TMEM87B: variants seen among roughly 807,000 people sequenced by gnomAD.
TMEM87B encodes transmembrane protein 87B.
TMEM87B carries 83 observed loss-of-function variants against 80.3 expected under a neutral mutation model. The ratio of observed to expected loss-of-function variants is 1.03; its 90% CI spans 0.87 to 1.24. TMEM87B has a LOEUF of 1.24. Ranked by LOEUF, TMEM87B falls within the 50% of genes most tolerant of loss-of-function variation. The pLI, the probability that TMEM87B is intolerant of heterozygous loss-of-function variation, is 0.00. For synonymous variants in TMEM87B, 219 were observed against 230.5 expected (o/e 0.95, Z 0.45); for missense variants, 625 against 674.4 (o/e 0.93, Z 0.81).
chr2:112,091,841 G>A (rs748526581), intron 11 of TMEM87B, 58 bp downstream of exon 11: 2 of 1,255,930 alleles, frequency 1.6e-6, no homozygotes, highest in East Asian at 2.4e-5. Context: ...CAGATTACAT[G>A]TAATTTGTAA....
rs547025039 is a variant in TMEM87B at position 112,117,685 on chromosome 2, A to G, written c.*1542A>G. ...GAGAAAAAAAAAAAGTAGTTTAACA[A>G]TTGTGAATTCCATTTCTTATTTCAG... is the stretch of plus-strand genomic sequence containing the variant. On this transcript the variant is annotated 3_prime_UTR_variant, in exon 19 of 19. Transcript: ENST00000283206. 7.2e-5 allele frequency: 11 copies of G among 152,218 alleles called. No individual in the cohort carries two copies. In the South Asian group the frequency reaches 2.3e-3, roughly 32 times the overall value. 9.4% of individuals were successfully genotyped at this position (152,218 alleles called of 1,614,324 possible). A position where few individuals can be genotyped will look rare whatever the true frequency, so the allele number is the denominator to read the frequency against.
Position 112,073,867 on chromosome 2 carries a change from G to T in TMEM87B, c.451-1045G>T, listed in dbSNP as rs577955039. 2.6e-5 allele frequency among the ~76,000 whole-genome samples: 4 copies of T among 152,072 alleles called. No individual in the cohort carries two copies. The South Asian group carries it at 6.2e-4, about 24-fold the overall frequency. ...CATAATGCCCTTCTGTGTCTTTTTT[G>T]ATTTTTGTTGGTTTAAAGTCAGTTT... On this transcript the variant is annotated intron_variant, in intron 4 of 18. Transcript: ENST00000283206.
intron 1 of TMEM87B, among the ~76,000 whole-genome samples, chr2:112,057,458 A>G (rs557319469): frequency 6.6e-6 from 1 of 152,320 alleles, no homozygotes; most frequent in South Asian, 2.1e-4. Context: ...ATTTTTTTGT[A>G]GAGATAGGGG....
chr2:112,070,054 T>G (rs1678576581), intron 4 of TMEM87B, among the ~76,000 whole-genome samples: 1 of 152,192 alleles, frequency 6.6e-6, no homozygotes, highest in Non-Finnish European at 1.5e-5. Flanking sequence ...TTAAGTTCCT[T>G]ATAGACACTG....
intron 15 of TMEM87B, among the ~76,000 whole-genome samples, chr2:112,103,894 A>T (rs1349097629): frequency 1.3e-5 from 2 of 152,230 alleles, no homozygotes; most frequent in African/African-American, 2.4e-5. Flanking sequence ...TGGCATAAGG[A>T]TAGAGAAATC....
In TMEM87B at chr2:112,096,939, G is replaced by T. The variant is rs207462173; in HGVS notation, c.1105-105G>T. 1.8e-3 allele frequency: 1,332 copies of T among 736,228 alleles called. 4 individuals carry two copies. Among genetic ancestry groups the T allele is most frequent in the Non-Finnish European group, 2.4e-3 (1,045 of 432,548 alleles). The allele number at this position is 736,228 out of a possible 1,614,324, so 45.6% of individuals were successfully genotyped here. A position where few individuals can be genotyped will look rare whatever the true frequency, so the allele number is the denominator to read the frequency against. On this transcript the variant is annotated intron_variant, in intron 11 of 18. Transcript: ENST00000283206. ...TGTTTTCATTAGCTTCAAATTTTAG[G>T]AACTGTATTTAGCAGTACTGACTTT...
chr2:112,058,238 T>C (rs947805732), intron 1 of TMEM87B, among the ~76,000 whole-genome samples: 5 of 152,186 alleles, frequency 3.3e-5, no homozygotes, highest in African/African-American at 7.2e-5. Flanking sequence ...CTGGCAGGGT[T>C]GTTAGAGGGG....
rs1680078644 is a variant in TMEM87B at position 112,118,383 on chromosome 2, A to G, written c.*2240A>G. On this transcript the variant is annotated 3_prime_UTR_variant, in exon 19 of 19. Transcript: ENST00000283206. ...GCCATCAGGGCCTCTGAGGCACTCA[A>G]ATCAGTTTACTTTTAGCATGCCCCC... 6.6e-6 allele frequency: 1 copy of G among 152,144 alleles called. No homozygotes were observed. Among genetic ancestry groups the G allele is most frequent in the Non-Finnish European group, 1.5e-5 (1 of 68,022 alleles). The allele number at this position is 152,144 out of a possible 1,614,324, so 9.4% of individuals were successfully genotyped here. A position where few individuals can be genotyped will look rare whatever the true frequency, so the allele number is the denominator to read the frequency against.
At chr2:112,082,342 C>T (rs1012506162) in intron 8 of TMEM87B, among the ~76,000 whole-genome samples, 3 of 152,114 alleles carry the variant, frequency 2.0e-5, no homozygotes, top group Admixed American at 6.6e-5. Context: ...ACTGCAGCCT[C>T]GACCTCCAGG....
chr2:112,103,569 GTATAATTT>G lies in TMEM87B; in HGVS notation c.1451-2431_1451-2424del, dbSNP rs1207194419. On this transcript the variant is annotated intron_variant, in intron 15 of 18. Transcript: ENST00000283206. ...AGCCAATCACAAAAGACCACATACT[GTATAATTT>G]TGTTTATATGAAAGGTCCAGAACAG... is the stretch of plus-strand genomic sequence containing the variant. 3.8e-3 allele frequency among the ~76,000 whole-genome samples: 577 copies of G among 152,294 alleles called. 3 individuals carry two copies. The highest frequency in any genetic ancestry group is 0.013 in the African/African-American group (557 of 41,552).
chr2:112,080,976 T>A, intron 6 of TMEM87B, 81 bp from the exon 7 acceptor site: 1 of 1,263,100 alleles, frequency 7.9e-7, no homozygotes, highest in Non-Finnish European at 1.1e-6. Flanking sequence ...GTTTGTATTC[T>A]TGGAGCCTTC....
chr2:112,089,786 C>G lies in TMEM87B; in HGVS notation c.1032+68C>G. The G allele has an allele frequency of 2.8e-6, 4 of 1,428,928 alleles. No individual in the cohort carries two copies. The Admixed American group carries it at 7.0e-5, about 25-fold the overall frequency. The allele number at this position is 1,428,928 out of a possible 1,614,324, so 88.5% of individuals were successfully genotyped here. On this transcript the variant is annotated intron_variant, in intron 10 of 18. Transcript: ENST00000283206. ...TGAAATGTGGTTTTACTTTGTATCT[C>G]CTGAGATGAATTTTTAGATAGAAAC...
intron 4 of TMEM87B, among the ~76,000 whole-genome samples, chr2:112,072,639 G>A (rs1191017018): frequency 6.6e-6 from 1 of 152,022 alleles, no homozygotes; most frequent in Non-Finnish European, 1.5e-5. Context: ...TTCTAATTAA[G>A]TTTATTGGAT....
At chr2:112,079,898 T>C (rs1181118703) in intron 6 of TMEM87B, among the ~76,000 whole-genome samples, 1 of 152,012 alleles carries the variant, frequency 6.6e-6, no homozygotes, top group Non-Finnish European at 1.5e-5. Flanking sequence ...TTATATGTTT[T>C]CTTTTGAGAA....
intron 4 of TMEM87B, 104 bp downstream of exon 4, chr2:112,067,171 C>T (rs1678460563): frequency 2.1e-6 from 3 of 1,434,576 alleles, no homozygotes; most frequent in Non-Finnish European, 2.9e-6. Flanking sequence ...TGGTATCTGA[C>T]TTGCCATGTT....
chr2:112,066,356 T>G (rs1678436838), intron 3 of TMEM87B, among the ~76,000 whole-genome samples: 1 of 152,216 alleles, frequency 6.6e-6, no homozygotes, highest in Non-Finnish European at 1.5e-5. Flanking sequence ...TCTATTACTG[T>G]TTTTATATAT....
intron 17 of TMEM87B, among the ~76,000 whole-genome samples, chr2:112,109,840 C>T (rs1295713698): frequency 6.8e-6 from 1 of 148,124 alleles, no homozygotes; most frequent in African/African-American, 2.5e-5. Context: ...AATCTCAGCT[C>T]ACTGCAGCCT....
intron 17 of TMEM87B, 99 bp downstream of exon 17, chr2:112,107,939 TG>T (rs1679815817): frequency 6.7e-6 from 5 of 741,744 alleles, no homozygotes; most frequent in Non-Finnish European, 1.1e-5. Flanking sequence ...ACCTCGTACT[TG>T]CATGTACTTG....
chr2:112,108,027 C>T (rs573558481), intron 17 of TMEM87B, among the ~76,000 whole-genome samples, 187 bp downstream of exon 17: 103 of 152,272 alleles, frequency 6.8e-4, no homozygotes, highest in African/African-American at 2.2e-3. Context: ...TTGTTTTTCA[C>T]GATACAGCAA....
Sources: allele counts gnomAD v4.1 joint callset (sites outside exome capture counted in the v4.1 genomes callset), GRCh38; gene constraint gnomAD v4.1.1; transcripts MANE v1.5; gene names NCBI Gene and HGNC (gene_info 2026-07-23, HGNC 2026-07-21).